Variants in TACR3 observed in about 807,000 individuals in gnomAD.
TACR3 encodes the protein neuromedin-K receptor.
In TACR3, 34 loss-of-function variants were observed where a neutral mutation model predicts 35.0. The observed-to-expected ratio is 0.97, with a 90% CI of 0.74 to 1.30. The LOEUF (loss-of-function observed/expected upper bound fraction) is 1.30. Among genes scored for constraint, TACR3 ranks in the 50% most tolerant of loss-of-function variants. The pLI is 0.00. For missense variants in TACR3, 558 were observed against 591.7 expected, an observed-to-expected ratio of 0.94 and a Z score of 0.59; for synonymous variants, 233 against 221.1, an observed-to-expected ratio of 1.05 and a Z score of -0.48.
Position 103,650,858 on chromosome 4 carries a change from ATC to A in TACR3, c.888+5334_888+5335del, listed in dbSNP as rs1725598921. 5.0e-5 allele frequency among the ~76,000 whole-genome samples: 2 copies of A among 40,218 alleles called. 1 individual carries two copies. The highest frequency in any genetic ancestry group is 2.7e-4 in the African/African-American group (2 of 7,468). 26.4% of individuals were successfully genotyped at this position (40,218 alleles called of 152,430 possible). ...ATATCTTATATATAATAATATATATATCTCATATATAATAATATATATATCTT... is the reference window on the plus strand; with the variant it reads ...ATATCTTATATATAATAATATATATATCATATATAATAATATATATATCTT... On this transcript the variant is annotated intron_variant, in intron 3 of 4. Transcript: ENST00000304883.
intron 1 of TACR3, among the ~76,000 whole-genome samples, chr4:103,667,217 C>T (rs1434789818): frequency 6.6e-6 from 1 of 152,180 alleles, no homozygotes; most frequent in Non-Finnish European, 1.5e-5. Flanking sequence ...AAGATCGCGC[C>T]ATTGCATTCC....
chr4:103,622,135 C>A (rs1724796338), intron 3 of TACR3, among the ~76,000 whole-genome samples: 1 of 152,072 alleles, frequency 6.6e-6, no homozygotes, highest in African/African-American at 2.4e-5. Flanking sequence ...TCAGTCTAGC[C>A]AAGGACTGAA....
In TACR3 at chr4:103,668,073, GA is replaced by G. The variant is rs564449206; in HGVS notation, c.549-9671del. ...TCTTGAAATCCTGAGTTCAAGTGAT[GA>G]GCCCACCTCAGTCTCCCAAATTGGT... is the stretch of plus-strand genomic sequence containing the variant. On this transcript the variant is annotated intron_variant, in intron 1 of 4. Coordinates refer to ENST00000304883, the MANE Select transcript of TACR3 (RefSeq NM_001059.3). Among the ~76,000 whole-genome samples the G allele has an allele frequency of 5.9e-5, 9 of 152,132 alleles. No homozygotes were observed. The East Asian group carries it at 1.7e-3, about 29-fold the overall frequency.
intron 3 of TACR3, among the ~76,000 whole-genome samples, chr4:103,592,184 C>T (rs1322824127): frequency 1.3e-5 from 2 of 152,174 alleles, no homozygotes; most frequent in Non-Finnish European, 1.5e-5. Flanking sequence ...AGCCTGCTCA[C>T]TACGTAACCT....
chr4:103,699,235 T>C (rs182191049), intron 1 of TACR3, among the ~76,000 whole-genome samples: 275 of 152,182 alleles, frequency 1.8e-3, no homozygotes, highest in African/African-American at 5.9e-3. Context: ...CCAGAAGCAG[T>C]ATAGGGAATG....
intron 3 of TACR3, among the ~76,000 whole-genome samples, chr4:103,599,710 A>T (rs1244983958): frequency 6.6e-6 from 1 of 152,092 alleles, no homozygotes; most frequent in Non-Finnish European, 1.5e-5. Context: ...CTATTGAGAT[A>T]GTCATGTGCT....
intron 1 of TACR3, among the ~76,000 whole-genome samples, chr4:103,664,437 T>C (rs1012072365): frequency 6.6e-6 from 1 of 152,198 alleles, no homozygotes; most frequent in Non-Finnish European, 1.5e-5. Context: ...TTACATATCT[T>C]CAAGTTTTTC....
At position 103,642,212 on chromosome 4, in the gene TACR3, T is replaced by TTA. The variant is rs1411172248; in HGVS notation, c.888+13980_888+13981dup. The stretch of plus-strand genomic sequence containing the variant: ...CATCCAAAAATATGGATATACATAT[T>TTA]TATATATATATATAATCACATTGTA... On this transcript the variant is annotated intron_variant, in intron 3 of 4. Coordinates refer to ENST00000304883, the MANE Select transcript of TACR3 (RefSeq NM_001059.3). Among the ~76,000 whole-genome samples the TTA allele has an allele frequency of 7.9e-3, 1,190 of 150,218 alleles. 14 individuals carry two copies. The highest frequency in any genetic ancestry group is 0.027 in the African/African-American group (1,128 of 41,040).
intron 3 of TACR3, among the ~76,000 whole-genome samples, chr4:103,637,175 T>C (rs1468940468): frequency 6.6e-6 from 1 of 152,126 alleles, no homozygotes. Flanking sequence ...TGAACATCGA[T>C]GCAAAAATCC....
rs1725104178 is a variant in TACR3 at position 103,633,078 on chromosome 4, A to G, written c.888+23116T>C. On this transcript the variant is annotated intron_variant, in intron 3 of 4. Coordinates refer to ENST00000304883, the MANE Select transcript of TACR3 (RefSeq NM_001059.3). ...TTTGTCCCTCTTACTGACATTAACT[A>G]CAATGCAGTTCCTAGACCTTAGTGT... Among the ~76,000 whole-genome samples, 5 of 152,172 alleles carry G rather than the reference A, an allele frequency of 3.3e-5. No homozygotes were observed. In the South Asian group the frequency reaches 8.3e-4, roughly 25 times the overall value.
At chr4:103,621,212 A>G (rs1724771859) in intron 3 of TACR3, among the ~76,000 whole-genome samples, 1 of 152,188 alleles carries the variant, frequency 6.6e-6, no homozygotes, top group Non-Finnish European at 1.5e-5. Flanking sequence ...CAGTGGGGGA[A>G]AGCAGGGACG....
chr4:103,711,362 C>A (rs1177534539), intron 1 of TACR3, among the ~76,000 whole-genome samples: 2 of 152,092 alleles, frequency 1.3e-5, no homozygotes, highest in African/African-American at 4.8e-5. Flanking sequence ...AAACATAATC[C>A]AGCATATAAA....
At chr4:103,599,923 G>T (rs1365237197) in intron 3 of TACR3, among the ~76,000 whole-genome samples, 3 of 151,842 alleles carry the variant, frequency 2.0e-5, no homozygotes, top group Admixed American at 6.6e-5. Context: ...TCTCTTTTTT[G>T]GTTGTGTCTC....
At chr4:103,638,204 A>G (rs1033459272) in intron 3 of TACR3, among the ~76,000 whole-genome samples, 5 of 151,936 alleles carry the variant, frequency 3.3e-5, no homozygotes, top group Non-Finnish European at 5.9e-5. Flanking sequence ...ACAAGGCTAC[A>G]GTAACCAAAA....
At chr4:103,712,028 A>G (rs1368156196) in intron 1 of TACR3, among the ~76,000 whole-genome samples, 1 of 152,242 alleles carries the variant, frequency 6.6e-6, no homozygotes, top group Admixed American at 6.5e-5. Context: ...TTCCATGCTC[A>G]TGGGTAGGAA....
In TACR3 at chr4:103,600,333, G is replaced by A. The variant is rs560597826; in HGVS notation, c.889-8650C>T. On this transcript the variant is annotated intron_variant, in intron 3 of 4. Coordinates refer to ENST00000304883, the MANE Select transcript of TACR3 (RefSeq NM_001059.3). ...TTATCATTTTTTATTGGGTCTATTT[G>A]ATTCTTCTCTCTTTTCTTCTTTATT... 4.8e-4 allele frequency among the ~76,000 whole-genome samples: 73 copies of A among 152,164 alleles called. No individual in the cohort carries two copies. The South Asian group carries it at 0.015, about 31-fold the overall frequency.
At chr4:103,684,570 G>A (rs1376147207) in intron 1 of TACR3, among the ~76,000 whole-genome samples, 2 of 152,022 alleles carry the variant, frequency 1.3e-5, no homozygotes, top group African/African-American at 2.4e-5. Context: ...GTGATAAAAA[G>A]GCATCCTATG....
intron 3 of TACR3, among the ~76,000 whole-genome samples, chr4:103,627,668 G>GACTT (rs1378956464): frequency 6.6e-6 from 1 of 152,090 alleles, no homozygotes; most frequent in Non-Finnish European, 1.5e-5. Context: ...CCTACAAAGA[G>GACTT]ACTTAGACTG....
intron 1 of TACR3, among the ~76,000 whole-genome samples, chr4:103,683,685 G>T (rs1722160144): frequency 6.6e-6 from 1 of 151,840 alleles, no homozygotes; most frequent in African/African-American, 2.4e-5. Context: ...TCCAAAATAT[G>T]AATCTCTAGT....
Sources: gnomAD v4.1 joint callset for allele counts (sites outside exome capture counted in the v4.1 genomes callset) on GRCh38, gnomAD v4.1.1 for gene constraint, MANE v1.5 for transcripts, NCBI Gene and HGNC (gene_info 2026-07-23, HGNC 2026-07-21) for gene names.